FAM167A: variants seen among roughly 807,000 people sequenced by gnomAD.
FAM167A encodes the protein family with sequence similarity 167 member A.
Under a neutral mutation model 14.9 loss-of-function variants are expected in FAM167A, and 23 were observed. That is an observed-to-expected ratio of 1.55 (90% CI 1.11 to 2.19). The LOEUF (loss-of-function observed/expected upper bound fraction) is 2.19, where lower values mean the gene tolerates loss of function less well. Ranked by LOEUF, FAM167A falls within the 30% of genes most tolerant of loss-of-function variation. The pLI, the probability that FAM167A is intolerant of heterozygous loss-of-function variation, is 0.00. For synonymous variants in FAM167A, 174 were observed against 117.7 expected (o/e 1.48, Z -3.10); for missense variants, 401 against 281.5 (o/e 1.42, Z -3.04).
intron 2 of FAM167A, among the ~76,000 whole-genome samples, chr8:11,435,810 A>G (rs770750944): frequency 3.9e-5 from 6 of 152,252 alleles, no homozygotes; most frequent in Non-Finnish European, 7.3e-5. Context: ...GACCGTAATT[A>G]AATGGGCACA....
chr8:11,447,784 T>C (rs1367202999), intron 1 of FAM167A, among the ~76,000 whole-genome samples: 1 of 152,248 alleles, frequency 6.6e-6, no homozygotes, highest in Non-Finnish European at 1.5e-5. Context: ...GCTGGCACAT[T>C]GCTTCATGAC....
intron 1 of FAM167A, among the ~76,000 whole-genome samples, chr8:11,475,610 G>T (rs564860863): frequency 2.0e-5 from 3 of 152,110 alleles, no homozygotes; most frequent in Non-Finnish European, 4.4e-5. Flanking sequence ...GCCATCAGAA[G>T]AGCCATTACG....
rs756524163 is a variant in FAM167A, at chr8:11,444,206, G to A, written c.206C>T (p.Ala69Val). Reference protein sequence around the residue: ...PFPRPAAEPQASLEEGERGGQ... With the variant: ...PFPRPAAEPQVSLEEGERGGQ... ...CCCACGCTCCCCCTCCTCCAAGCTCGCCTGTGGCTCCGCAGCCGGCCTCGG... is the reference window on the plus strand; with the variant it reads ...CCCACGCTCCCCCTCCTCCAAGCTCACCTGTGGCTCCGCAGCCGGCCTCGG... The change falls in exon 2 of 3, where the codon GCG becomes GTG. Residue 69 changes from alanine to valine, a missense_variant. Physicochemically the swap from Ala to Val is moderately conservative, Grantham distance 64. Coordinates refer to ENST00000284486, the MANE Select transcript of FAM167A (RefSeq NM_053279.3). The A allele has an allele frequency of 1.5e-5, 24 of 1,612,724 alleles. 1 individual carries two copies. Among genetic ancestry groups the A allele is most frequent in the South Asian group, 9.9e-5 (9 of 91,044 alleles).
chr8:11,427,221 C>T (rs935865389), intron 2 of FAM167A, among the ~76,000 whole-genome samples: 2 of 152,160 alleles, frequency 1.3e-5, no homozygotes, highest in African/African-American at 4.8e-5. Context: ...GGCCTCACAG[C>T]CACTCCTGAG....
chr8:11,463,656 C>T (rs1029167931), intron 1 of FAM167A, among the ~76,000 whole-genome samples: 1 of 152,162 alleles, frequency 6.6e-6, no homozygotes, highest in Non-Finnish European at 1.5e-5. Flanking sequence ...ACAAGCCCTG[C>T]GAGGGAGCCC....
intron 2 of FAM167A, chr8:11,433,866 C>T (rs955155565): frequency 2.6e-5 from 4 of 152,312 alleles, no homozygotes; most frequent in Non-Finnish European, 5.9e-5. Flanking sequence ...GTTCTTGAAC[C>T]CAGGAAACAA....
At chr8:11,473,832 T>G (rs888451969) in intron 1 of FAM167A, among the ~76,000 whole-genome samples, 2 of 152,054 alleles carry the variant, frequency 1.3e-5, no homozygotes, top group South Asian at 4.1e-4. Context: ...ACACAGGGAA[T>G]GGTGGTTTTT....
chr8:11,450,100 T>C (rs757048749), intron 1 of FAM167A, among the ~76,000 whole-genome samples: 3 of 152,228 alleles, frequency 2.0e-5, no homozygotes, highest in Non-Finnish European at 4.4e-5. Flanking sequence ...CCAGCACTCC[T>C]GTCCCGCCGG....
At chr8:11,474,912 G>C (rs1380336464) in intron 1 of FAM167A, among the ~76,000 whole-genome samples, 2 of 151,890 alleles carry the variant, frequency 1.3e-5, no homozygotes, top group African/African-American at 4.8e-5. Flanking sequence ...ATGAAGGAGA[G>C]GGGAGGGGAG....
intron 2 of FAM167A, among the ~76,000 whole-genome samples, chr8:11,441,427 T>A (rs995473050): frequency 6.6e-6 from 1 of 152,228 alleles, no homozygotes; most frequent in African/African-American, 2.4e-5. Flanking sequence ...GGGACCAGAA[T>A]CTTCATCTGC....
chr8:11,434,790 C>CAG, intron 2 of FAM167A: 2 of 341,002 alleles, frequency 5.9e-6, no homozygotes, highest in Non-Finnish European at 1.2e-5. Flanking sequence ...GTGCCCTACA[C>CAG]AGAGAGAGGA....
At chr8:11,438,094 C>A (rs534166948) in intron 2 of FAM167A, 1 of 456,232 alleles carries the variant, frequency 2.2e-6, no homozygotes, top group Non-Finnish European at 4.4e-6. Flanking sequence ...TCACCCCACC[C>A]CAGCACGGAA....
chr8:11,445,768 G>A (rs917009865), intron 1 of FAM167A, among the ~76,000 whole-genome samples: 2 of 152,090 alleles, frequency 1.3e-5, no homozygotes, highest in African/African-American at 2.4e-5. Flanking sequence ...ATCAGAGTAG[G>A]AGACATCTGA....
At chr8:11,465,772 G>C (rs6601592) in intron 1 of FAM167A, among the ~76,000 whole-genome samples, 133,191 of 152,202 alleles carry the variant, frequency 0.88, 58,767 homozygotes, top group African/African-American at 0.97. Flanking sequence ...TGGATAGGAC[G>C]TGATCTCATC....
chr8:11,472,669 G>A (rs934642704), intron 1 of FAM167A, among the ~76,000 whole-genome samples: 2 of 152,164 alleles, frequency 1.3e-5, no homozygotes, highest in African/African-American at 4.8e-5. Flanking sequence ...CACCCAGTGA[G>A]CCTGGCTACT....
rs1458370578 is a variant in FAM167A at position 11,424,560 on chromosome 8, A to C, written c.458T>G (p.Ile153Ser). The change falls in exon 3 of 3, where the codon ATC (isoleucine) becomes AGC (serine). Residue 153 changes from isoleucine to serine, a missense_variant. Transcript: ENST00000284486. ...RLRGDINKLK[I>S]EHTCRLHRRM... ...CCTGTGGAGGCGGCAGGTGTGTTCG[A>C]TTTTCAGCTTGTTGATGTCGCCACG... 1 of 1,613,844 alleles carries C rather than the reference A, an allele frequency of 6.2e-7. No homozygotes were observed. The highest frequency in any genetic ancestry group is 1.1e-5 in the South Asian group (1 of 91,058).
At position 11,439,127 on chromosome 8, in the gene FAM167A, G is replaced by A. The variant is rs1023463487; in HGVS notation, c.381+4904C>T. Among the ~76,000 whole-genome samples, 6 of 152,220 alleles carry A rather than the reference G, an allele frequency of 3.9e-5. No homozygotes were observed. In the South Asian group the frequency reaches 6.2e-4, roughly 16 times the overall value. ...TGTGTCGTGGCTTAGCCACATCCTT[G>A]CATATGACCTTGGCCAAGTCGCTTT... On this transcript the variant is annotated intron_variant, in intron 2 of 2. Transcript: ENST00000284486.
chr8:11,470,673 G>C (rs2736324), upstream of FAM167A, among the ~76,000 whole-genome samples: 47,886 of 152,038 alleles, frequency 0.31, 8,000 homozygotes, highest in Middle Eastern at 0.41. Flanking sequence ...GGATACAAGA[G>C]AAGGAAGGAT....
chr8:11,435,065 G>C (rs770211187), intron 2 of FAM167A: 1 of 456,870 alleles, frequency 2.2e-6, no homozygotes, highest in East Asian at 6.9e-5. Flanking sequence ...TCAAGAGGCT[G>C]ATGGGCAGGT....
Sources: allele counts gnomAD v4.1 joint callset (sites outside exome capture counted in the v4.1 genomes callset), GRCh38; gene constraint gnomAD v4.1.1; transcripts MANE v1.5; gene names NCBI Gene and HGNC (gene_info 2026-07-23, HGNC 2026-07-21).